Variants in MYH15 observed in about 807,000 individuals in gnomAD.
The protein encoded by MYH15 is myosin-15.
In MYH15, 227 loss-of-function variants were observed where a neutral mutation model predicts 240.5. The observed-to-expected ratio is 0.94, with a 90% CI of 0.85 to 1.05. The LOEUF (loss-of-function observed/expected upper bound fraction) is 1.05, where lower values mean the gene tolerates loss of function less well. MYH15 is among the 50% of genes least tolerant of loss of function. MYH15 has a pLI of 0.00. For missense variants in MYH15, 2,217 were observed against 2,247.5 expected (o/e 0.99, Z 0.27); for synonymous variants, 785 against 796.7 (o/e 0.99, Z 0.25).
Position 108,391,793 on chromosome 3 carries a change from C to A in MYH15, c.5397G>T (p.Gly1799=). The A allele has an allele frequency of 1.2e-6, 2 of 1,614,016 alleles. No homozygotes were observed. The highest frequency in any genetic ancestry group is 1.7e-6 in the Non-Finnish European group (2 of 1,179,958). The change falls in exon 37 of 41, where the codon GGG becomes GGT. Residue 1799 remains glycine (G), a synonymous_variant. Coordinates refer to ENST00000693548, the MANE Select transcript of MYH15 (RefSeq NM_014981.3). ...CTAGTTTCTGGATTTGCTTTCTACT[C>A]CCCATCAGGGCCATCTGTTCAGCTT... ...LAEAEQMALM[G]SRKQIQKLES...
Position 108,404,409 on chromosome 3 carries a change from T to C in MYH15, c.4736+929A>G, listed in dbSNP as rs145258479. Reference sequence around the variant, plus strand: ...GCTCAAATGATTTTTCTTGCTGACATATGGCATTGACTTAAGGGAACAGAT... The same window carrying C: ...GCTCAAATGATTTTTCTTGCTGACACATGGCATTGACTTAAGGGAACAGAT... On this transcript the variant is annotated intron_variant, in intron 33 of 40. Coordinates refer to ENST00000693548, the MANE Select transcript of MYH15 (RefSeq NM_014981.3). 1.5e-3 allele frequency among the ~76,000 whole-genome samples: 222 copies of C among 152,352 alleles called. 1 individual carries two copies. Among genetic ancestry groups the C allele is most frequent in the African/African-American group, 4.9e-3 (203 of 41,572 alleles).
At chr3:108,400,395 A>G (rs2107541812) in intron 33 of MYH15, among the ~76,000 whole-genome samples, 1 of 152,358 alleles carries the variant, frequency 6.6e-6, no homozygotes. Context: ...CTGGACAGAT[A>G]ATAGAGAACA....
intron 21 of MYH15, among the ~76,000 whole-genome samples, chr3:108,447,370 C>T (rs1214187468): frequency 6.6e-6 from 1 of 151,840 alleles, no homozygotes; most frequent in African/African-American, 2.4e-5. Flanking sequence ...TCATTAAGCC[C>T]AAAGAACCCC....
chr3:108,502,564 C>T (rs1302207165), intron 2 of MYH15, among the ~76,000 whole-genome samples: 2 of 152,054 alleles, frequency 1.3e-5, no homozygotes, highest in Non-Finnish European at 2.9e-5. Context: ...GCACCTATCA[C>T]AATGCTTGGG....
intron 11 of MYH15, among the ~76,000 whole-genome samples, chr3:108,482,573 G>T (rs1413784889): frequency 3.3e-5 from 5 of 152,124 alleles, no homozygotes; most frequent in Non-Finnish European, 7.4e-5. Flanking sequence ...AATAAAATAA[G>T]ATGCCATAAA....
chr3:108,423,753 T>C (rs1272759125), intron 27 of MYH15, among the ~76,000 whole-genome samples: 1 of 152,234 alleles, frequency 6.6e-6, no homozygotes, highest in Non-Finnish European at 1.5e-5. Context: ...CTATTAAATG[T>C]CAGAATTGGA....
intron 35 of MYH15, among the ~76,000 whole-genome samples, chr3:108,397,492 T>C (rs931725912): frequency 1.3e-5 from 2 of 152,206 alleles, no homozygotes; most frequent in Non-Finnish European, 2.9e-5. Flanking sequence ...CTTTTAGCAG[T>C]GTACTACAAT....
At chr3:108,415,122 G>A (rs969457572) in intron 29 of MYH15, among the ~76,000 whole-genome samples, 1 of 152,000 alleles carries the variant, frequency 6.6e-6, no homozygotes, top group Non-Finnish European at 1.5e-5. Flanking sequence ...TGTATTGGAC[G>A]GCCCTGCTGG....
At chr3:108,508,776 A>G (rs569843276) in intron 1 of MYH15, among the ~76,000 whole-genome samples, 2 of 152,256 alleles carry the variant, frequency 1.3e-5, no homozygotes, top group African/African-American at 4.8e-5. Flanking sequence ...TACATGTTCT[A>G]ATATAAGAAT....
chr3:108,394,588 G>T (rs1189274274), intron 35 of MYH15, among the ~76,000 whole-genome samples: 2 of 152,164 alleles, frequency 1.3e-5, no homozygotes, highest in Admixed American at 6.5e-5. Flanking sequence ...TGCTGCTCCA[G>T]AAACAAACAA....
At position 108,391,896 on chromosome 3, in the gene MYH15, T is replaced by G; in HGVS notation, c.5294A>C (p.Gln1765Pro). The change falls in exon 37 of 41, where the codon CAA becomes CCA. Residue 1765 changes from glutamine to proline, a missense_variant. Coordinates refer to ENST00000693548, the MANE Select transcript of MYH15 (RefSeq NM_014981.3). Reference protein sequence around the residue: ...ANLSEELKKKQDTIAHLERTR... With the variant: ...ANLSEELKKKPDTIAHLERTR... ...CCTTTCCAAGTGGGCAATGGTGTCT[T>G]GCTTCTTCTTCAGTTCTTCTGACAA... The G allele has an allele frequency of 6.2e-7, 1 of 1,614,160 alleles. No homozygotes were observed. The highest frequency in any genetic ancestry group is 8.5e-7 in the Non-Finnish European group (1 of 1,179,980).
At chr3:108,482,187 G>T (rs1458791014) in intron 11 of MYH15, among the ~76,000 whole-genome samples, 1 of 152,152 alleles carries the variant, frequency 6.6e-6, no homozygotes, top group African/African-American at 2.4e-5. Context: ...GGGCAATTGG[G>T]AGAACCTAGG....
At chr3:108,505,183 A>G (rs1317686181) in intron 2 of MYH15, among the ~76,000 whole-genome samples, 1 of 152,200 alleles carries the variant, frequency 6.6e-6, no homozygotes, top group Non-Finnish European at 1.5e-5. Context: ...TGTGAGTTCT[A>G]GTCAATAATC....
At chr3:108,456,648 A>G (rs1210708904) in intron 19 of MYH15, 118 bp downstream of exon 19, 1 of 711,556 alleles carries the variant, frequency 1.4e-6, no homozygotes, top group Non-Finnish European at 2.5e-6. Flanking sequence ...ACCAAAACAC[A>G]TCGATTTGTA....
intron 9 of MYH15, among the ~76,000 whole-genome samples, chr3:108,489,294 G>A (rs1406885569): frequency 2.0e-5 from 3 of 152,180 alleles, no homozygotes; most frequent in Admixed American, 2.0e-4. Context: ...ATTCCAGGAC[G>A]GAAGGACCTC....
intron 21 of MYH15, among the ~76,000 whole-genome samples, chr3:108,453,581 A>G (rs1407267694): frequency 6.6e-6 from 1 of 152,182 alleles, no homozygotes; most frequent in Non-Finnish European, 1.5e-5. Context: ...TTACATGTCA[A>G]CAAGAGCCAC....
chr3:108,439,437 T>C (rs987398879), intron 24 of MYH15, among the ~76,000 whole-genome samples: 60 of 152,164 alleles, frequency 3.9e-4, no homozygotes, highest in African/African-American at 1.3e-3. Context: ...GTGGGAGATA[T>C]GGGGAAAAGC....
chr3:108,401,146 C>T lies in MYH15; in HGVS notation c.4737-1879G>A, dbSNP rs117345606. The stretch of plus-strand genomic sequence containing the variant: ...TAAAGTTAATATGGACTTTTAGGAA[C>T]TGCATTATGTCCCCACCAAAATTTA... On this transcript the variant is annotated intron_variant, in intron 33 of 40. Coordinates refer to ENST00000693548, the MANE Select transcript of MYH15 (RefSeq NM_014981.3). 2.0e-5 allele frequency among the ~76,000 whole-genome samples: 3 copies of T among 152,236 alleles called. No homozygotes were observed. The East Asian group carries it at 5.8e-4, about 29-fold the overall frequency.
chr3:108,424,122 A>G (rs760198074), intron 27 of MYH15, among the ~76,000 whole-genome samples: 1 of 152,200 alleles, frequency 6.6e-6, no homozygotes, highest in Non-Finnish European at 1.5e-5. Context: ...AAGACAACTT[A>G]GTCAATGGTG....
Sources: gnomAD v4.1 joint callset for allele counts (sites outside exome capture counted in the v4.1 genomes callset) on GRCh38, gnomAD v4.1.1 for gene constraint, MANE v1.5 for transcripts, NCBI Gene and HGNC (gene_info 2026-07-23, HGNC 2026-07-21) for gene names.